WASL: variants seen among roughly 807,000 people sequenced by gnomAD.
WASL encodes the protein WASP like actin nucleation promoting factor.
Under a neutral mutation model 55.5 loss-of-function variants are expected in WASL, and 20 were observed. That is an observed-to-expected ratio of 0.36 (90% CI 0.25 to 0.52). The LOEUF (loss-of-function observed/expected upper bound fraction) is 0.52, where lower values mean the gene tolerates loss of function less well. Among genes scored for constraint, WASL ranks in the 20% least tolerant of loss-of-function variants. The pLI is 0.92. For synonymous variants in WASL, 249 were observed against 217.6 expected (o/e 1.14, Z -1.27); for missense variants, 504 against 622.5 (o/e 0.81, Z 2.03).
At chr7:123,703,798 A>G (rs1182984482) in intron 5 of WASL, among the ~76,000 whole-genome samples, 1 of 152,214 alleles carries the variant, frequency 6.6e-6, no homozygotes, top group Non-Finnish European at 1.5e-5. Context: ...CTAGGTTCTG[A>G]TAAGAGGATT....
rs5887151 is a variant in WASL, at chr7:123,684,492, A to AAT, written c.*25_*26dup. 486 of 509,566 alleles carry AAT rather than the reference A, an allele frequency of 9.5e-4. No individual in the cohort carries two copies. The highest frequency in any genetic ancestry group is 1.7e-3 in the African/African-American group (81 of 48,812). 31.6% of individuals were successfully genotyped at this position (509,566 alleles called of 1,614,324 possible). ...GTAGTGTTTAGTATTTCACCTTAAA[A>AAT]ATATATATATATATATAATATATAG... is the stretch of plus-strand genomic sequence containing the variant. On this transcript the variant is annotated 3_prime_UTR_variant, in exon 11 of 11. Transcript: ENST00000223023.
chr7:123,687,232 G>T (rs1025216879), intron 10 of WASL, among the ~76,000 whole-genome samples: 14 of 152,008 alleles, frequency 9.2e-5, no homozygotes, highest in South Asian at 2.1e-4. Flanking sequence ...CTATAAACCT[G>T]GTTCAAGCCT....
rs551353319 is a variant in WASL, at chr7:123,693,800, T to C, written c.826+915A>G. On this transcript the variant is annotated intron_variant, in intron 8 of 10. Transcript: ENST00000223023. The stretch of plus-strand genomic sequence containing the variant: ...GGCTAACATGGAAAAACCCCGTTTC[T>C]ATTAAAAATATAAAAATTAGCAGGG... Among the ~76,000 whole-genome samples the C allele has an allele frequency of 2.0e-5, 3 of 152,328 alleles. No individual in the cohort carries two copies. The South Asian group carries it at 6.2e-4, about 32-fold the overall frequency.
intron 1 of WASL, among the ~76,000 whole-genome samples, chr7:123,737,899 C>T (rs1804265089): frequency 6.6e-6 from 1 of 151,958 alleles, no homozygotes; most frequent in South Asian, 2.1e-4. Context: ...AAGTACTTGT[C>T]AAAAGATAAA....
chr7:123,746,945 G>C (rs565218397), intron 1 of WASL, among the ~76,000 whole-genome samples: 1 of 152,190 alleles, frequency 6.6e-6, no homozygotes, highest in Non-Finnish European at 1.5e-5. Flanking sequence ...ACCAGCAACT[G>C]AATTTTTTTC....
intron 9 of WASL, among the ~76,000 whole-genome samples, chr7:123,691,091 T>C (rs1249385344): frequency 6.6e-6 from 1 of 152,224 alleles, no homozygotes; most frequent in Non-Finnish European, 1.5e-5. Flanking sequence ...TCTATGCTAA[T>C]GTTTACATGT....
intron 7 of WASL, 132 bp downstream of exon 7, chr7:123,695,691 G>A: frequency 1.3e-6 from 1 of 795,628 alleles, no homozygotes; most frequent in Non-Finnish European, 2.0e-6. Flanking sequence ...AACCTCAGTT[G>A]TATACATACA....
At chr7:123,727,353 T>TCG (rs1554406247) in intron 1 of WASL, among the ~76,000 whole-genome samples, 2 of 147,710 alleles carry the variant, frequency 1.4e-5, no homozygotes, top group African/African-American at 5.0e-5. Flanking sequence ...AAAATATGTG[T>TCG]CACACACACA....
At chr7:123,745,437 T>TATCTTCAG (rs925684406) in intron 1 of WASL, among the ~76,000 whole-genome samples, 7 of 152,170 alleles carry the variant, frequency 4.6e-5, no homozygotes, top group Admixed American at 1.3e-4. Flanking sequence ...TGTACACTGG[T>TATCTTCAG]ATCTTCAGCG....
rs1472986773 is a variant in WASL, at chr7:123,748,907, G to A, written c.-173C>T. On this transcript the variant is annotated 5_prime_UTR_variant, in exon 1 of 11. Coordinates refer to ENST00000223023, the MANE Select transcript of WASL (RefSeq NM_003941.4). ...GTCGAGGGAAGCAGGCGCTGACGGC[G>A]AGCCACCTTCGCGCCGCGCTGAGAA... 8.5e-6 allele frequency: 5 copies of A among 586,510 alleles called. No individual in the cohort carries two copies. The highest frequency in any genetic ancestry group is 6.7e-5 in the Admixed American group (2 of 30,028). 36.3% of individuals were successfully genotyped at this position (586,510 alleles called of 1,614,324 possible).
intron 1 of WASL, among the ~76,000 whole-genome samples, chr7:123,710,301 T>C (rs1011536794): frequency 6.6e-6 from 1 of 150,682 alleles, no homozygotes; most frequent in African/African-American, 2.4e-5. Flanking sequence ...AATAAAATAT[T>C]TCATATAAAT....
At chr7:123,732,482 C>T (rs192703306) in intron 1 of WASL, among the ~76,000 whole-genome samples, 161 of 152,244 alleles carry the variant, frequency 1.1e-3, no homozygotes, top group African/African-American at 3.7e-3. Context: ...CCTGGAAAGA[C>T]ACGATCTATC....
intron 5 of WASL, among the ~76,000 whole-genome samples, chr7:123,702,412 C>T (rs1175867855): frequency 1.3e-5 from 2 of 152,092 alleles, no homozygotes; most frequent in Non-Finnish European, 2.9e-5. Context: ...AATTATGAAA[C>T]ACCACTGTTA....
intron 1 of WASL, among the ~76,000 whole-genome samples, chr7:123,747,022 G>A (rs767745506): frequency 6.6e-6 from 1 of 152,158 alleles, no homozygotes; most frequent in African/African-American, 2.4e-5. Context: ...AACATTAGTG[G>A]TGCTTTAAGA....
chr7:123,729,383 T>G (rs1007863596), intron 1 of WASL, among the ~76,000 whole-genome samples: 7 of 152,200 alleles, frequency 4.6e-5, no homozygotes. Context: ...AGTACCATAC[T>G]GGACAGTGAA....
At chr7:123,748,097 T>C (rs1345681521) in intron 1 of WASL, among the ~76,000 whole-genome samples, 2 of 151,958 alleles carry the variant, frequency 1.3e-5, no homozygotes, top group African/African-American at 4.8e-5. Flanking sequence ...CCCTCTCTAA[T>C]CCGAAGAGAG....
At chr7:123,719,323 CT>C (rs1803897581) in intron 1 of WASL, among the ~76,000 whole-genome samples, 1 of 152,146 alleles carries the variant, frequency 6.6e-6, no homozygotes, top group African/African-American at 2.4e-5. Flanking sequence ...CTCTCATATC[CT>C]GATCCTTTAT....
chr7:123,688,608 C>G (rs1039985066), intron 10 of WASL, among the ~76,000 whole-genome samples: 1 of 152,098 alleles, frequency 6.6e-6, no homozygotes, highest in African/African-American at 2.4e-5. Context: ...GTGATCCACC[C>G]GCCTCGGCCT....
intron 1 of WASL, among the ~76,000 whole-genome samples, chr7:123,739,757 G>C (rs1044611419): frequency 6.6e-6 from 1 of 152,186 alleles, no homozygotes; most frequent in African/African-American, 2.4e-5. Context: ...ATCTGTACCT[G>C]ATAAGCTGCT....
Sources: gnomAD v4.1 joint callset for allele counts (sites outside exome capture counted in the v4.1 genomes callset) on GRCh38, gnomAD v4.1.1 for gene constraint, MANE v1.5 for transcripts, NCBI Gene and HGNC (gene_info 2026-07-23, HGNC 2026-07-21) for gene names.